Variants in BRINP3 observed in about 807,000 individuals in gnomAD.
BRINP3 encodes BMP/retinoic acid-inducible neural-specific protein 3.
In BRINP3, 19 loss-of-function variants were observed where a neutral mutation model predicts 71.0. The observed-to-expected ratio is 0.27, with a 90% confidence interval of 0.19 to 0.39. The LOEUF is 0.39. Ranked by LOEUF, BRINP3 falls within the 10% of genes least tolerant of loss-of-function variation. BRINP3 has a pLI of 1.00. For missense variants in BRINP3, 959 were observed against 940.8 expected, an observed-to-expected ratio of 1.02 and a Z score of -0.25; for synonymous variants, 380 against 337.7, an observed-to-expected ratio of 1.13 and a Z score of -1.37.
At chr1:190,116,247 G>A (rs1286828340) in intron 7 of BRINP3, among the ~76,000 whole-genome samples, 2 of 152,008 alleles carry the variant, frequency 1.3e-5, no homozygotes, top group African/African-American at 4.8e-5. Context: ...TTTCACAAAT[G>A]TGGTTAAAAT....
intron 2 of BRINP3, among the ~76,000 whole-genome samples, chr1:190,369,766 T>C (rs1266028885): frequency 6.6e-6 from 1 of 152,094 alleles, no homozygotes; most frequent in African/African-American, 2.4e-5. Context: ...GACTATGAAC[T>C]TACTGACCCG....
intron 2 of BRINP3, among the ~76,000 whole-genome samples, chr1:190,345,158 A>C (rs1334562836): frequency 6.6e-6 from 1 of 151,888 alleles, no homozygotes; most frequent in Admixed American, 6.6e-5. Context: ...GTAAACATTG[A>C]GACTCATTGG....
At position 190,274,639 on chromosome 1, in the gene BRINP3, C is replaced by G. The variant is rs370144128; in HGVS notation, c.427+6921G>C. On this transcript the variant is annotated intron_variant, in intron 3 of 7. Transcript: ENST00000367462. ...AGCCATATTATTACTTGTGCTAAAG[C>G]CTTACAATATTTTTTGTTATTGCTG... Among the ~76,000 whole-genome samples, 7 of 151,622 alleles carry G rather than the reference C, an allele frequency of 4.6e-5. No individual in the cohort carries two copies. In the East Asian group the frequency reaches 1.4e-3, roughly 29 times the overall value.
At chr1:190,350,418 TG>T in intron 2 of BRINP3, among the ~76,000 whole-genome samples, 1 of 152,240 alleles carries the variant, frequency 6.6e-6, no homozygotes, top group East Asian at 1.9e-4. Flanking sequence ...TTTTGATGCT[TG>T]GAATAATATT....
intron 2 of BRINP3, chr1:190,302,826 A>G (rs2103002554): frequency 6.6e-6 from 1 of 151,866 alleles, no homozygotes; most frequent in East Asian, 1.9e-4. Context: ...GAATGCGAAT[A>G]TTTTCACAGA....
chr1:190,386,443 A>G (rs1395679760), intron 2 of BRINP3, among the ~76,000 whole-genome samples: 1 of 151,850 alleles, frequency 6.6e-6, no homozygotes, highest in East Asian at 1.9e-4. Context: ...TTAATAATTA[A>G]GTTTTATTAT....
chr1:190,128,365 T>G (rs1654257884), intron 7 of BRINP3, among the ~76,000 whole-genome samples: 1 of 151,822 alleles, frequency 6.6e-6, no homozygotes, highest in Admixed American at 6.6e-5. Flanking sequence ...TAAATATTTA[T>G]CACACAATTA....
At chr1:190,441,264 T>A (rs1169618949) in intron 2 of BRINP3, among the ~76,000 whole-genome samples, 1 of 152,030 alleles carries the variant, frequency 6.6e-6, no homozygotes, top group Non-Finnish European at 1.5e-5. Flanking sequence ...ACACAGTGTA[T>A]GTTATGTAAT....
At chr1:190,410,182 G>A (rs1571979493) in intron 2 of BRINP3, among the ~76,000 whole-genome samples, 2 of 152,134 alleles carry the variant, frequency 1.3e-5, no homozygotes, top group Middle Eastern at 3.4e-3. Context: ...TGGGGGAAAT[G>A]GAGGGAAAAA....
At chr1:190,158,097 T>A (rs779589373) in intron 7 of BRINP3, among the ~76,000 whole-genome samples, 6 of 152,104 alleles carry the variant, frequency 3.9e-5, no homozygotes, top group Non-Finnish European at 5.9e-5. Flanking sequence ...TCATCTTGAA[T>A]TACCACATGT....
intron 7 of BRINP3, among the ~76,000 whole-genome samples, chr1:190,141,840 G>A (rs775526334): frequency 4.0e-5 from 6 of 151,642 alleles, no homozygotes; most frequent in African/African-American, 4.8e-5. Flanking sequence ...TCACAGGTGT[G>A]AGCCACCACG....
At chr1:190,240,868 G>A (rs1448279762) in intron 4 of BRINP3, among the ~76,000 whole-genome samples, 1 of 65,134 alleles carries the variant, frequency 1.5e-5, no homozygotes, top group Non-Finnish European at 2.5e-5. Context: ...GTGAAACTCT[G>A]TCTCAAAAAA....
At chr1:190,408,754 T>C (rs1412008422) in intron 2 of BRINP3, among the ~76,000 whole-genome samples, 4 of 152,216 alleles carry the variant, frequency 2.6e-5, no homozygotes. Flanking sequence ...TTATGGAGAA[T>C]TTTGTTTGTC....
intron 3 of BRINP3, among the ~76,000 whole-genome samples, chr1:190,277,113 A>ATATATATATATATTTATTTATT (rs746851050): frequency 9.3e-6 from 1 of 107,486 alleles, no homozygotes; most frequent in Admixed American, 1.1e-4. Context: ...ATATATATAT[A>ATATATATATATATTTATTTATT]TATATTTATA....
At chr1:190,162,060 G>C (rs544202250) in intron 6 of BRINP3, among the ~76,000 whole-genome samples, 1 of 151,880 alleles carries the variant, frequency 6.6e-6, no homozygotes, top group Admixed American at 6.6e-5. Context: ...ACTTTTATCT[G>C]AAAAAAGAAG....
chr1:190,351,058 C>G (rs1668354012), intron 2 of BRINP3, among the ~76,000 whole-genome samples: 1 of 152,188 alleles, frequency 6.6e-6, no homozygotes, highest in Middle Eastern at 3.4e-3. Flanking sequence ...CCCACATCAG[C>G]CTCCCAAAGT....
chr1:190,140,960 A>AT (rs199697647), intron 7 of BRINP3, among the ~76,000 whole-genome samples: 2,146 of 152,232 alleles, frequency 0.014, 48 homozygotes, highest in African/African-American at 0.049. Context: ...CAGAGAGGCT[A>AT]TTTTTTAAAA....
intron 6 of BRINP3, among the ~76,000 whole-genome samples, chr1:190,193,921 A>G: frequency 6.6e-6 from 1 of 152,078 alleles, no homozygotes; most frequent in East Asian, 1.9e-4. Context: ...ATGGCCTAAT[A>G]ACACTAACCA....
intron 4 of BRINP3, among the ~76,000 whole-genome samples, chr1:190,245,574 A>G (rs1659517243): frequency 6.6e-6 from 1 of 152,004 alleles, no homozygotes; most frequent in South Asian, 2.1e-4. Context: ...AATAACAAAA[A>G]TGGAAAGGAC....
Sources: gnomAD v4.1 joint callset for allele counts (sites outside exome capture counted in the v4.1 genomes callset) on GRCh38, gnomAD v4.1.1 for gene constraint, MANE v1.5 for transcripts, NCBI Gene and HGNC (gene_info 2026-07-23, HGNC 2026-07-21) for gene names.